PLGRKT: variants seen among roughly 807,000 people sequenced by gnomAD.
PLGRKT encodes plasminogen receptor with a C-terminal lysine, also known as plasminogen receptor (KT).
A neutral mutation model predicts 18.5 loss-of-function variants in PLGRKT; 22 were observed. The observed-to-expected ratio is 1.19, with a 90% CI of 0.85 to 1.70. The LOEUF is 1.70. PLGRKT is among the 40% of genes most tolerant of loss of function. The pLI is 0.00. For missense variants in PLGRKT, 235 were observed against 174.4 expected (o/e 1.35, Z -1.96); for synonymous variants, 72 against 52.8 (o/e 1.36, Z -1.58).
At chr9:5,394,752 G>A (rs1040830533) in intron 3 of PLGRKT, among the ~76,000 whole-genome samples, 2 of 151,854 alleles carry the variant, frequency 1.3e-5, no homozygotes, top group South Asian at 2.1e-4. Flanking sequence ...TTAGGAAAAC[G>A]TTCAAATATT....
At chr9:5,397,438 G>C (rs926223593) in intron 3 of PLGRKT, among the ~76,000 whole-genome samples, 4 of 151,734 alleles carry the variant, frequency 2.6e-5, no homozygotes, top group African/African-American at 9.7e-5. Context: ...ATTAAACGTA[G>C]GCTGTATATG....
chr9:5,365,115 C>G (rs1330131174), intron 3 of PLGRKT, among the ~76,000 whole-genome samples: 2 of 58,694 alleles, frequency 3.4e-5, no homozygotes, highest in African/African-American at 3.7e-4. Context: ...TTTCTACTCT[C>G]CAAAAAAAAA....
intron 3 of PLGRKT, among the ~76,000 whole-genome samples, chr9:5,395,830 T>G (rs577189993): frequency 6.6e-6 from 1 of 151,942 alleles, no homozygotes; most frequent in South Asian, 2.1e-4. Flanking sequence ...AGGTGGATTT[T>G]TTTTATTTGA....
At chr9:5,378,015 T>G (rs915216636) in intron 3 of PLGRKT, among the ~76,000 whole-genome samples, 2 of 152,178 alleles carry the variant, frequency 1.3e-5, no homozygotes, top group Non-Finnish European at 2.9e-5. Flanking sequence ...GCCTGCTTCT[T>G]GCTCATCCAC....
intron 3 of PLGRKT, among the ~76,000 whole-genome samples, chr9:5,367,394 G>A (rs535859314): frequency 1.9e-4 from 29 of 152,056 alleles, no homozygotes; most frequent in African/African-American, 5.5e-4. Flanking sequence ...AAGCAGAAAC[G>A]TATGCCAATG....
chr9:5,400,452 TA>T (rs1279864194), intron 3 of PLGRKT, among the ~76,000 whole-genome samples: 2 of 152,004 alleles, frequency 1.3e-5, no homozygotes, highest in Admixed American at 6.5e-5. Context: ...CGTAATGAAA[TA>T]AATCCCTAAC....
chr9:5,411,293 G>A (rs553020968), intron 3 of PLGRKT, among the ~76,000 whole-genome samples: 13 of 151,222 alleles, frequency 8.6e-5, no homozygotes, highest in African/African-American at 1.7e-4. Context: ...GCTGAGGCAG[G>A]AGAATCACTT....
In PLGRKT at chr9:5,401,778, A is replaced by G. The variant is rs553873862; in HGVS notation, c.81+30119T>C. ...GTTCTAAAATTTCTTTAAGGTTGTA[A>G]TATCTATATCTGAAAGGTGACATCA... On this transcript the variant is annotated intron_variant, in intron 3 of 5. Coordinates refer to ENST00000223864, the MANE Select transcript of PLGRKT (RefSeq NM_018465.4). Among the ~76,000 whole-genome samples the G allele has an allele frequency of 4.6e-5, 7 of 152,060 alleles. No individual in the cohort carries two copies. In the South Asian group the frequency reaches 1.4e-3, roughly 31 times the overall value.
At chr9:5,364,286 G>C (rs889543940) in intron 3 of PLGRKT, among the ~76,000 whole-genome samples, 1 of 152,152 alleles carries the variant, frequency 6.6e-6, no homozygotes, top group African/African-American at 2.4e-5. Flanking sequence ...TGAAATGAAA[G>C]ACTCATAGCT....
At chr9:5,426,893 A>G (rs941885355) in intron 3 of PLGRKT, among the ~76,000 whole-genome samples, 1 of 152,142 alleles carries the variant, frequency 6.6e-6, no homozygotes, top group African/African-American at 2.4e-5. Flanking sequence ...CCAGCATCCA[A>G]CGAGGCTCTC....
chr9:5,384,241 G>A (rs1034680209), intron 3 of PLGRKT, among the ~76,000 whole-genome samples: 4 of 152,226 alleles, frequency 2.6e-5, no homozygotes, highest in Non-Finnish European at 4.4e-5. Flanking sequence ...GCAAGTATGT[G>A]AGCCACTGGG....
intron 5 of PLGRKT, among the ~76,000 whole-genome samples, chr9:5,359,315 G>A (rs1168079203): frequency 1.3e-5 from 2 of 152,082 alleles, no homozygotes; most frequent in African/African-American, 2.4e-5. Context: ...CTCCCAAAGT[G>A]CTGGGATTAC....
In PLGRKT at chr9:5,385,640, C is replaced by A. The variant is rs1289810746; in HGVS notation, c.82-23752G>T. Among the ~76,000 whole-genome samples the A allele has an allele frequency of 2.6e-5, 4 of 151,840 alleles. No individual in the cohort carries two copies. In the South Asian group the frequency reaches 8.3e-4, roughly 31 times the overall value. ...GTGTTTTGGAGAAAGTAAGGAAGAA[C>A]AGGGTCTGCTGTGTGAAGTCTCATG... On this transcript the variant is annotated intron_variant, in intron 3 of 5. Transcript: ENST00000223864.
At chr9:5,373,467 C>G (rs1282192016) in intron 3 of PLGRKT, among the ~76,000 whole-genome samples, 1 of 152,212 alleles carries the variant, frequency 6.6e-6, no homozygotes, top group Non-Finnish European at 1.5e-5. Flanking sequence ...GGGCTCTGAA[C>G]CAAGACCCTG....
At chr9:5,359,107 G>C (rs895261543) in intron 5 of PLGRKT, among the ~76,000 whole-genome samples, 4 of 150,374 alleles carry the variant, frequency 2.7e-5, no homozygotes, top group Non-Finnish European at 5.9e-5. Context: ...CTGTCGCCTA[G>C]GCTGGAGTGC....
At chr9:5,406,860 C>T (rs999135089) in intron 3 of PLGRKT, among the ~76,000 whole-genome samples, 1 of 152,084 alleles carries the variant, frequency 6.6e-6, no homozygotes, top group African/African-American at 2.4e-5. Flanking sequence ...AACCAAAAAC[C>T]ACTTGTACCC....
At chr9:5,429,422 A>C (rs1818771023) in intron 3 of PLGRKT, among the ~76,000 whole-genome samples, 1 of 152,236 alleles carries the variant, frequency 6.6e-6, no homozygotes, top group South Asian at 2.1e-4. Context: ...TGGACGGCTT[A>C]AGCAACAGAA....
At chr9:5,404,870 T>A (rs1309095484) in intron 3 of PLGRKT, among the ~76,000 whole-genome samples, 1 of 152,120 alleles carries the variant, frequency 6.6e-6, no homozygotes, top group African/African-American at 2.4e-5. Context: ...ACCCTTTACC[T>A]AGAAAACCCC....
At chr9:5,387,545 A>T (rs1817867401) in intron 3 of PLGRKT, among the ~76,000 whole-genome samples, 1 of 151,966 alleles carries the variant, frequency 6.6e-6, no homozygotes, top group African/African-American at 2.4e-5. Context: ...AACAGACATA[A>T]TAAAGTATAT....
Sources: allele counts gnomAD v4.1 joint callset (sites outside exome capture counted in the v4.1 genomes callset), GRCh38; gene constraint gnomAD v4.1.1; transcripts MANE v1.5; gene names NCBI Gene and HGNC (gene_info 2026-07-23, HGNC 2026-07-21).